TSC22D2: variants seen among roughly 807,000 people sequenced by gnomAD.
The protein encoded by TSC22D2 is TSC22 domain family protein 2.
Under a neutral mutation model 50.1 loss-of-function variants are expected in TSC22D2, and 5 were observed. The ratio of observed to expected loss-of-function variants is 0.10; its 90% CI spans 0.05 to 0.21. TSC22D2 has a LOEUF of 0.21. Among genes scored for constraint, TSC22D2 ranks in the 10% least tolerant of loss-of-function variants. The pLI, the probability that TSC22D2 is intolerant of heterozygous loss-of-function variation, is 1.00. For missense variants in TSC22D2, 1,003 were observed against 1,015.5 expected, an observed-to-expected ratio of 0.99 and a Z score of 0.17; for synonymous variants, 501 against 450.1, an observed-to-expected ratio of 1.11 and a Z score of -1.43.
intron 1 of TSC22D2, among the ~76,000 whole-genome samples, chr3:150,453,024 A>C (rs1559851076): frequency 6.6e-6 from 1 of 152,210 alleles, no homozygotes; most frequent in Non-Finnish European, 1.5e-5. Context: ...CTTCTGTAGC[A>C]GTAATTGTAA....
At chr3:150,444,718 A>AG (rs1443474761) in intron 1 of TSC22D2, among the ~76,000 whole-genome samples, 1 of 152,262 alleles carries the variant, frequency 6.6e-6, no homozygotes. Context: ...AAAGAATTCA[A>AG]GGACATGAAT....
intron 1 of TSC22D2, among the ~76,000 whole-genome samples, chr3:150,436,830 C>G (rs1720560988): frequency 6.6e-6 from 1 of 152,142 alleles, no homozygotes; most frequent in Middle Eastern, 3.2e-3. Flanking sequence ...ACTTAAGTGA[C>G]CATGTGTAAT....
intron 1 of TSC22D2, among the ~76,000 whole-genome samples, chr3:150,419,290 G>T (rs1377259261): frequency 6.6e-6 from 1 of 152,068 alleles, no homozygotes; most frequent in African/African-American, 2.4e-5. Context: ...CCTAAAGCCA[G>T]TGCTTTTGAA....
At chr3:150,424,387 T>C (rs988916427) in intron 1 of TSC22D2, among the ~76,000 whole-genome samples, 3 of 152,280 alleles carry the variant, frequency 2.0e-5, no homozygotes, top group African/African-American at 7.2e-5. Flanking sequence ...TGTTTAGAAA[T>C]GTAATAAGAG....
intron 1 of TSC22D2, among the ~76,000 whole-genome samples, chr3:150,438,602 GATT>G (rs1720621684): frequency 6.6e-6 from 1 of 152,038 alleles, no homozygotes; most frequent in Admixed American, 6.5e-5. Flanking sequence ...ATTATAGTAA[GATT>G]ATTAAAATAT....
chr3:150,440,732 T>C (rs1426452022), intron 1 of TSC22D2, among the ~76,000 whole-genome samples: 1 of 152,172 alleles, frequency 6.6e-6, no homozygotes, highest in Non-Finnish European at 1.5e-5. Context: ...ATTAATTTTT[T>C]GGGATACATG....
chr3:150,409,664 G>A lies in TSC22D2; in HGVS notation c.314G>A (p.Gly105Glu). The A allele has an allele frequency of 1.2e-6, 2 of 1,601,370 alleles. No homozygotes were observed. Among genetic ancestry groups the A allele is most frequent in the East Asian group, 2.3e-5 (1 of 44,402 alleles). ...GCGGCTGCTGCTCCCGCCAACGGAG[G>A]AGGAGTCGTTTCGGCCCGGAGCGTG... is the stretch of plus-strand genomic sequence containing the variant. ...AAAAAAPANG[G>E]GVVSARSVSG... Residue 105 changes from glycine to glutamate, a missense_variant, in exon 1 of 3, where the codon GGA becomes GAA. Around this residue, in one of 6 missense-constraint regions of TSC22D2, gnomAD observed 200 missense variants for 182.8 expected, o/e 1.09. Transcript: ENST00000688009. This position sits in a 1 kb window ranked among gnomAD's most constrained non-coding sequence, Gnocchi z 7.4.
intron 1 of TSC22D2, among the ~76,000 whole-genome samples, chr3:150,417,195 TTAA>T (rs1719842276): frequency 6.6e-6 from 1 of 152,166 alleles, no homozygotes; most frequent in South Asian, 2.1e-4. Context: ...GAGTTTGTGA[TTAA>T]TGTGTCAATT....
chr3:150,421,483 T>C (rs1046518524), intron 1 of TSC22D2, among the ~76,000 whole-genome samples: 16 of 152,220 alleles, frequency 1.1e-4, no homozygotes, highest in Non-Finnish European at 2.9e-5. Flanking sequence ...AAACAGTAGG[T>C]AGAAGCCTCT....
chr3:150,422,117 G>A (rs1336786965), intron 1 of TSC22D2, among the ~76,000 whole-genome samples: 1 of 152,206 alleles, frequency 6.6e-6, no homozygotes, highest in Admixed American at 6.5e-5. Flanking sequence ...ATAGTGTGTG[G>A]TACCTAATAA....
intron 1 of TSC22D2, among the ~76,000 whole-genome samples, chr3:150,453,433 C>G (rs958671810): frequency 6.6e-6 from 1 of 152,164 alleles, no homozygotes; most frequent in East Asian, 1.9e-4. Context: ...ATAAAATAGT[C>G]TCTTATTTGC....
intron 1 of TSC22D2, among the ~76,000 whole-genome samples, chr3:150,447,426 A>G (rs1346696854): frequency 6.6e-6 from 1 of 152,194 alleles, no homozygotes; most frequent in Non-Finnish European, 1.5e-5. Flanking sequence ...TCTAGGCCAG[A>G]GATTACTCTG....
chr3:150,460,721 G>GCTGTGTCCCTCCAGTGCTAA lies in TSC22D2; in HGVS notation c.*2090_*2091insTCCCTCCAGTGCTAACTGTG, dbSNP rs1721370379. ...GACTGTTAACCGAAAAGGTTTGCTG[G>GCTGTGTCCCTCCAGTGCTAA]CTGTGCCCCTCCAGTGCTAACTGTG... is the stretch of plus-strand genomic sequence containing the variant. On this transcript the variant is annotated 3_prime_UTR_variant, in exon 3 of 3. Transcript: ENST00000688009. The GCTGTGTCCCTCCAGTGCTAA allele has an allele frequency of 6.6e-6, 1 of 151,838 alleles. No individual in the cohort carries two copies. Among genetic ancestry groups the GCTGTGTCCCTCCAGTGCTAA allele is most frequent in the Non-Finnish European group, 1.5e-5 (1 of 67,930 alleles). The allele number at this position is 151,838 out of a possible 1,614,324, so 9.4% of individuals were successfully genotyped here.
At position 150,450,812 on chromosome 3, in the gene TSC22D2, T is replaced by C. The variant is rs1475899294; in HGVS notation, c.1959-6264T>C. ...TTTGTAATCAGTGACTCGCATTTTC[T>C]TAATTTTCTTTCTAAAAAAATAAAA... On this transcript the variant is annotated intron_variant, in intron 1 of 2. Transcript: ENST00000688009. 3.3e-5 allele frequency among the ~76,000 whole-genome samples: 5 copies of C among 152,206 alleles called. No homozygotes were observed. The East Asian group carries it at 9.6e-4, about 29-fold the overall frequency.
At chr3:150,457,799 C>A (rs761186236) in intron 2 of TSC22D2, among the ~76,000 whole-genome samples, 4 of 151,736 alleles carry the variant, frequency 2.6e-5, no homozygotes, top group African/African-American at 4.8e-5. Flanking sequence ...CCACATCTGG[C>A]TAATTTTTGT....
chr3:150,444,616 A>C (rs983503430), intron 1 of TSC22D2, among the ~76,000 whole-genome samples: 8 of 152,216 alleles, frequency 5.3e-5, no homozygotes, highest in African/African-American at 1.9e-4. Context: ...TCAGGTCATG[A>C]TGTAAGTGTA....
At chr3:150,411,433 T>C (rs1719565035) in intron 1 of TSC22D2, 125 bp downstream of exon 1, 1 of 1,030,844 alleles carries the variant, frequency 9.7e-7, no homozygotes, top group African/African-American at 1.6e-5. Context: ...AATTTAGTTT[T>C]TGGTAAAATT....
Position 150,460,131 on chromosome 3 carries a change from AT to A in TSC22D2, c.*1496del. On this transcript the variant is annotated 3_prime_UTR_variant, in exon 3 of 3. Coordinates refer to ENST00000688009, the MANE Select transcript of TSC22D2 (RefSeq NM_001303264.2). ...CAGTTTTGTTGAAATATTTGGCTCT[AT>A]ATGTGTTCAAAATTTGACTAGATTT... 1 of 152,150 alleles carries A rather than the reference AT, an allele frequency of 6.6e-6. No individual in the cohort carries two copies. Among genetic ancestry groups the A allele is most frequent in the Non-Finnish European group, 1.5e-5 (1 of 68,004 alleles). The allele number at this position is 152,150 out of a possible 1,614,324, so 9.4% of individuals were successfully genotyped here. A position where few individuals can be genotyped will look rare whatever the true frequency, so the allele number is the denominator to read the frequency against.
chr3:150,424,494 A>G (rs1720113318), intron 1 of TSC22D2, among the ~76,000 whole-genome samples: 1 of 152,164 alleles, frequency 6.6e-6, no homozygotes, highest in African/African-American at 2.4e-5. Context: ...CAGTGTAGGA[A>G]GGTTTGAGCT....
Sources: gnomAD v4.1 joint callset for allele counts (sites outside exome capture counted in the v4.1 genomes callset) on GRCh38, gnomAD v4.1.1 for gene constraint, gnomAD v4.1.1 regional missense constraint, Gnocchi (gnomAD v3.1) non-coding constraint, MANE v1.5 for transcripts, NCBI Gene and HGNC (gene_info 2026-07-23, HGNC 2026-07-21) for gene names.